Variants in GATAD2B observed in about 807,000 individuals in gnomAD.
GATAD2B encodes transcriptional repressor p66-beta.
Under a neutral mutation model 64.3 loss-of-function variants are expected in GATAD2B, and 8 were observed. That is an observed-to-expected ratio of 0.12 (90% confidence interval 0.07 to 0.22). The LOEUF (loss-of-function observed/expected upper bound fraction) is 0.22. Ranked by LOEUF, GATAD2B falls within the 10% of genes least tolerant of loss-of-function variation. GATAD2B has a pLI of 1.00. For synonymous variants in GATAD2B, 281 were observed against 271.3 expected (o/e 1.04, Z -0.35); for missense variants, 453 against 752.0 (o/e 0.60, Z 4.65).
At chr1:153,858,188 C>T (rs1193066659) in intron 1 of GATAD2B, among the ~76,000 whole-genome samples, 2 of 152,156 alleles carry the variant, frequency 1.3e-5, no homozygotes, top group African/African-American at 4.8e-5. Context: ...ACGGGATATC[C>T]TTCCTTCCAA....
intron 2 of GATAD2B, among the ~76,000 whole-genome samples, chr1:153,822,913 C>A (rs1009728381): frequency 6.6e-6 from 1 of 152,126 alleles, no homozygotes; most frequent in Non-Finnish European, 1.5e-5. Flanking sequence ...ATCTCCTAGG[C>A]CCAAGCGATC....
intron 1 of GATAD2B, among the ~76,000 whole-genome samples, chr1:153,831,125 C>A (rs1465053331): frequency 6.6e-6 from 1 of 152,256 alleles, no homozygotes; most frequent in Middle Eastern, 3.4e-3. Flanking sequence ...TTAATTCCCT[C>A]CCTTTTTAAA....
rs186689243 is a variant in GATAD2B at position 153,847,951 on chromosome 1, T to C, written c.-1-19603A>G. 1.4e-3 allele frequency among the ~76,000 whole-genome samples: 212 copies of C among 152,330 alleles called. 1 individual carries two copies. Among genetic ancestry groups the C allele is most frequent in the Non-Finnish European group, 2.3e-3 (157 of 68,028 alleles). ...CAACTTTGGATGCATATTAGAATCA[T>C]CTGAGTAACTGTAAAACAAACAAAC... On this transcript the variant is annotated intron_variant, in intron 1 of 10. Coordinates refer to ENST00000368655, the MANE Select transcript of GATAD2B (RefSeq NM_020699.4).
intron 1 of GATAD2B, among the ~76,000 whole-genome samples, chr1:153,851,241 T>A (rs1358360884): frequency 6.6e-6 from 1 of 152,226 alleles, no homozygotes; most frequent in Non-Finnish European, 1.5e-5. Context: ...TAGCATAATG[T>A]CCTCAAGCTT....
At chr1:153,914,227 CAAAAAA>C (rs759245034) in intron 1 of GATAD2B, among the ~76,000 whole-genome samples, 14 of 65,966 alleles carry the variant, frequency 2.1e-4, no homozygotes, top group African/African-American at 8.5e-4. Flanking sequence ...CCCAGACTCT[CAAAAAA>C]AAAAAAAAAA....
At chr1:153,904,708 ATTTT>A (rs954793148) in intron 1 of GATAD2B, among the ~76,000 whole-genome samples, 3 of 145,128 alleles carry the variant, frequency 2.1e-5, no homozygotes, top group African/African-American at 7.6e-5. Flanking sequence ...GGCCCAGCTA[ATTTT>A]TTTTTTTTTC....
intron 1 of GATAD2B, among the ~76,000 whole-genome samples, chr1:153,899,408 A>C (rs1226868407): frequency 6.6e-6 from 1 of 152,120 alleles, no homozygotes; most frequent in Non-Finnish European, 1.5e-5. Flanking sequence ...ATTTCTACTA[A>C]AAATACAAAA....
At chr1:153,812,154 G>T in intron 8 of GATAD2B, 22 bp from the exon 9 acceptor site, 1 of 1,340,824 alleles carries the variant, frequency 7.5e-7, no homozygotes, top group Non-Finnish European at 1.1e-6. Context: ...CATCACATCA[G>T]GTGATTGAGC....
intron 1 of GATAD2B, among the ~76,000 whole-genome samples, chr1:153,858,206 T>A (rs899941026): frequency 5.6e-4 from 85 of 152,334 alleles, no homozygotes; most frequent in African/African-American, 2.0e-3. Flanking sequence ...CAATCTAACT[T>A]ATTTCTCTTC....
intron 1 of GATAD2B, among the ~76,000 whole-genome samples, chr1:153,861,441 A>G (rs570241422): frequency 1.3e-5 from 2 of 151,836 alleles, no homozygotes; most frequent in East Asian, 1.9e-4. Flanking sequence ...TACATAAAAA[A>G]AGAGGAAAAA....
intron 1 of GATAD2B, among the ~76,000 whole-genome samples, chr1:153,910,560 T>C (rs779663374): frequency 1.3e-5 from 2 of 152,056 alleles, no homozygotes; most frequent in African/African-American, 2.4e-5. Context: ...GCCGACATGG[T>C]GAATCCCCAT....
In GATAD2B at chr1:153,818,689, AGAG is replaced by A. The variant is rs147317448; in HGVS notation, c.597+99_597+101del. ...CTACAGACTAAAAAACTACGGACCC[AGAG>A]AAGAAATGAGCCACCCAACTGAACC... On this transcript the variant is annotated intron_variant, in intron 4 of 10. Coordinates refer to ENST00000368655, the MANE Select transcript of GATAD2B (RefSeq NM_020699.4). The A allele has an allele frequency of 0.09, 92,587 of 1,023,336 alleles. 4,524 individuals carry two copies. Among genetic ancestry groups the A allele is most frequent in the Middle Eastern group, 0.12 (558 of 4,668 alleles). 63.4% of individuals were successfully genotyped at this position (1,023,336 alleles called of 1,614,324 possible).
intron 1 of GATAD2B, among the ~76,000 whole-genome samples, chr1:153,874,824 G>A (rs936000775): frequency 4.0e-5 from 6 of 151,428 alleles, no homozygotes; most frequent in Admixed American, 1.3e-4. Context: ...TGATCCACTC[G>A]CCTTGGCCCC....
At chr1:153,862,118 C>CA (rs1676318261) in intron 1 of GATAD2B, among the ~76,000 whole-genome samples, 1 of 101,166 alleles carries the variant, frequency 9.9e-6, no homozygotes, top group African/African-American at 3.7e-5. Context: ...ACATTATATC[C>CA]TTTTTTTTTT....
chr1:153,903,425 T>C (rs376840592), intron 1 of GATAD2B, among the ~76,000 whole-genome samples: 7 of 152,284 alleles, frequency 4.6e-5, no homozygotes, highest in African/African-American at 1.7e-4. Flanking sequence ...CTGCCATAGT[T>C]TGAGATTCAG....
intron 1 of GATAD2B, among the ~76,000 whole-genome samples, chr1:153,905,768 C>CTCA (rs1553199139): frequency 8.6e-6 from 1 of 116,124 alleles, no homozygotes; most frequent in Non-Finnish European, 1.7e-5. Flanking sequence ...ACCAGTCTCT[C>CTCA]AAACAAAAAA....
At chr1:153,844,849 A>C (rs1364062041) in intron 1 of GATAD2B, among the ~76,000 whole-genome samples, 1 of 151,270 alleles carries the variant, frequency 6.6e-6, no homozygotes, top group Non-Finnish European at 1.5e-5. Context: ...CCAGCATGGC[A>C]CATGTATACA....
rs985205946 is a variant in GATAD2B at position 153,806,758 on chromosome 1, G to A, written c.*3419C>T. ...CTTGATGGAAAGGATGGGAGCCTAG[G>A]ACGGGGGTGGGGGTAGGGGGTGTGG... is the stretch of plus-strand genomic sequence containing the variant. On this transcript the variant is annotated 3_prime_UTR_variant, in exon 11 of 11. Coordinates refer to ENST00000368655, the MANE Select transcript of GATAD2B (RefSeq NM_020699.4). The A allele has an allele frequency of 6.6e-6, 1 of 152,016 alleles. No homozygotes were observed. The highest frequency in any genetic ancestry group is 2.4e-5 in the African/African-American group (1 of 41,184). 9.4% of individuals were successfully genotyped at this position (152,016 alleles called of 1,614,324 possible). A position where few individuals can be genotyped will look rare whatever the true frequency, so the allele number is the denominator to read the frequency against.
chr1:153,920,460 G>A lies in GATAD2B; in HGVS notation c.-2+2273C>T, dbSNP rs553663228. Among the ~76,000 whole-genome samples the A allele has an allele frequency of 3.0e-3, 464 of 152,342 alleles. 6 individuals carry two copies. The highest frequency in any genetic ancestry group is 2.0e-3 in the Non-Finnish European group (134 of 68,040). On this transcript the variant is annotated intron_variant, in intron 1 of 10. Coordinates refer to ENST00000368655, the MANE Select transcript of GATAD2B (RefSeq NM_020699.4). ...CCACCACCCTGTGGCCCTATGCTAA[G>A]CACAGCAGTAAAAGTTACTGCCAGA...
Sources: gnomAD v4.1 joint callset for allele counts (sites outside exome capture counted in the v4.1 genomes callset) on GRCh38, gnomAD v4.1.1 for gene constraint, MANE v1.5 for transcripts, NCBI Gene and HGNC (gene_info 2026-07-23, HGNC 2026-07-21) for gene names.